Variants in CMSS1 observed in about 807,000 individuals in gnomAD.
CMSS1 encodes the protein cms1 ribosomal small subunit homolog.
CMSS1 carries 33 observed loss-of-function variants against 43.5 expected under a neutral mutation model. That is an observed-to-expected ratio of 0.76 (90% CI 0.57 to 1.01). The LOEUF (loss-of-function observed/expected upper bound fraction) is 1.01. Ranked by LOEUF, CMSS1 falls within the 50% of genes least tolerant of loss-of-function variation. The probability of loss-of-function intolerance (pLI) is 0.00; values close to 1 mark genes in which losing one functional copy is unlikely to be tolerated. For synonymous variants in CMSS1, 115 were observed against 117.2 expected, an observed-to-expected ratio of 0.98 and a Z score of 0.12; for missense variants, 313 against 326.4, an observed-to-expected ratio of 0.96 and a Z score of 0.32.
At chr3:100,001,322 T>G (rs1249212711) in intron 1 of CMSS1, among the ~76,000 whole-genome samples, 2 of 152,244 alleles carry the variant, frequency 1.3e-5, no homozygotes, top group East Asian at 3.8e-4. Context: ...TATCGCTGTT[T>G]CTGTGACGCA....
At chr3:100,171,129 C>A (rs551140426) in intron 6 of CMSS1, among the ~76,000 whole-genome samples, 25 of 152,254 alleles carry the variant, frequency 1.6e-4, no homozygotes, top group African/African-American at 5.8e-4. Context: ...TTTACAATAA[C>A]CCCCTGCCCT....
At chr3:100,022,474 A>G (rs1054801531) in intron 1 of CMSS1, among the ~76,000 whole-genome samples, 1 of 152,230 alleles carries the variant, frequency 6.6e-6, no homozygotes, top group African/African-American at 2.4e-5. Flanking sequence ...ATCCCATTAC[A>G]GAAACAGCAT....
At chr3:99,920,909 A>T (rs1707105136) in intron 1 of CMSS1, among the ~76,000 whole-genome samples, 1 of 152,234 alleles carries the variant, frequency 6.6e-6, no homozygotes, top group African/African-American at 2.4e-5. Flanking sequence ...AGGTAGATAC[A>T]AACCAACACT....
At chr3:100,093,948 A>G (rs1362200887) in intron 1 of CMSS1, among the ~76,000 whole-genome samples, 1 of 152,198 alleles carries the variant, frequency 6.6e-6, no homozygotes, top group Non-Finnish European at 1.5e-5. Flanking sequence ...TTGTGTGAAC[A>G]CAAGTTTTCA....
intron 1 of CMSS1, among the ~76,000 whole-genome samples, chr3:100,119,877 A>G (rs2066605564): frequency 6.6e-6 from 1 of 152,214 alleles, no homozygotes. Context: ...TAAAATTGAA[A>G]GTTCTGGATA....
At position 99,817,880 on chromosome 3, in the gene CMSS1, C is replaced by A. The variant is rs1487094412; in HGVS notation, c.-100C>A. 4 of 1,257,696 alleles carry A rather than the reference C, an allele frequency of 3.2e-6. No homozygotes were observed. Among genetic ancestry groups the A allele is most frequent in the Admixed American group, 1.8e-5 (1 of 54,804 alleles). The allele number at this position is 1,257,696 out of a possible 1,614,324, so 77.9% of individuals were successfully genotyped here. A position where few individuals can be genotyped will look rare whatever the true frequency, so the allele number is the denominator to read the frequency against. ...AGGCGACAGTGTCTAGCGGGAGCTCCGCGTGTAGCTACGCCGGCCGCCTGG... is the reference window on the plus strand; with the variant it reads ...AGGCGACAGTGTCTAGCGGGAGCTCAGCGTGTAGCTACGCCGGCCGCCTGG... On this transcript the variant is annotated 5_prime_UTR_variant, in exon 1 of 10. Coordinates refer to ENST00000421999, the MANE Select transcript of CMSS1 (RefSeq NM_032359.4).
At position 100,178,354 on chromosome 3, in the gene CMSS1, G is replaced by A; in HGVS notation, c.806G>A (p.Cys269Tyr). The change falls in exon 10 of 10, where the codon TGC becomes TAC. Residue 269 changes from cysteine (C) to tyrosine (Y), a missense_variant. Coordinates refer to ENST00000421999, the MANE Select transcript of CMSS1 (RefSeq NM_032359.4). Reference sequence around the variant, plus strand: ...CTGGAAATGGGAGTGCTCAGTCTGTGCAAGTCAGAATCCTTGAAACTGGGC... The same window carrying A: ...CTGGAAATGGGAGTGCTCAGTCTGTACAAGTCAGAATCCTTGAAACTGGGC... ...ELLEMGVLSL[C>Y]KSESLKLGLF 3.1e-6 allele frequency: 5 copies of A among 1,613,252 alleles called. No homozygotes were observed. The highest frequency in any genetic ancestry group is 4.2e-6 in the Non-Finnish European group (5 of 1,179,308).
At chr3:99,880,420 C>T (rs1559673910) in intron 1 of CMSS1, among the ~76,000 whole-genome samples, 1 of 152,036 alleles carries the variant, frequency 6.6e-6, no homozygotes, top group Non-Finnish European at 1.5e-5. Flanking sequence ...TATATATAGA[C>T]CCTCTTTACT....
chr3:99,941,434 C>T (rs1559697380), intron 1 of CMSS1, among the ~76,000 whole-genome samples: 1 of 152,144 alleles, frequency 6.6e-6, no homozygotes, highest in Admixed American at 6.5e-5. Context: ...TAAGCTTTAT[C>T]TTGGAGAATG....
At chr3:100,009,146 A>C (rs920015611) in intron 1 of CMSS1, among the ~76,000 whole-genome samples, 7 of 152,354 alleles carry the variant, frequency 4.6e-5, no homozygotes, top group African/African-American at 1.7e-4. Flanking sequence ...AATTGAGTGC[A>C]AGTGACTGAA....
At chr3:100,026,661 A>G (rs941826087) in intron 1 of CMSS1, among the ~76,000 whole-genome samples, 1 of 152,146 alleles carries the variant, frequency 6.6e-6, no homozygotes, top group Non-Finnish European at 1.5e-5. Flanking sequence ...CATCTAATTC[A>G]TCAGGAAATC....
At chr3:99,933,828 G>A (rs1707570113) in intron 1 of CMSS1, among the ~76,000 whole-genome samples, 1 of 152,114 alleles carries the variant, frequency 6.6e-6, no homozygotes, top group Non-Finnish European at 1.5e-5. Flanking sequence ...CATGCATTAG[G>A]GTGACTGGCT....
At chr3:99,920,619 A>T (rs549190442) in intron 1 of CMSS1, among the ~76,000 whole-genome samples, 1 of 152,344 alleles carries the variant, frequency 6.6e-6, no homozygotes, top group East Asian at 1.9e-4. Flanking sequence ...GAAACTTTGC[A>T]TTAACATGCC....
chr3:99,843,815 G>A (rs1359561634), intron 1 of CMSS1, among the ~76,000 whole-genome samples: 2 of 152,242 alleles, frequency 1.3e-5, no homozygotes, highest in African/African-American at 4.8e-5. Flanking sequence ...GCAGGCAAGC[G>A]AGCATTACTG....
intron 1 of CMSS1, chr3:99,849,706 T>C (rs1191948440): frequency 2.0e-5 from 33 of 1,613,630 alleles, no homozygotes; most frequent in Non-Finnish European, 2.5e-5. Flanking sequence ...TTCTAGAGTC[T>C]CATATTCATC....
chr3:99,998,217 T>C (rs1052036438), intron 1 of CMSS1, among the ~76,000 whole-genome samples: 2 of 152,224 alleles, frequency 1.3e-5, no homozygotes, highest in Non-Finnish European at 2.9e-5. Context: ...AACCTAATAC[T>C]TAGTTCTATA....
chr3:100,176,043 C>T (rs1394174436), intron 8 of CMSS1, among the ~76,000 whole-genome samples: 1 of 152,170 alleles, frequency 6.6e-6, no homozygotes, highest in Non-Finnish European at 1.5e-5. Context: ...GCCTCTGGGG[C>T]TTCATGAAAT....
rs1173827086 is a variant in CMSS1, at chr3:100,178,802, T to C, written c.*414T>C. The C allele has an allele frequency of 6.2e-6, 1 of 162,498 alleles. No homozygotes were observed. Among genetic ancestry groups the C allele is most frequent in the Non-Finnish European group, 1.4e-5 (1 of 73,928 alleles). 10.1% of individuals were successfully genotyped at this position (162,498 alleles called of 1,614,324 possible). A position where few individuals can be genotyped will look rare whatever the true frequency, so the allele number is the denominator to read the frequency against. ...AGATAGTACATGGGGAGCAGATTTGTAAACTCTGAGGCATGGTCCCAGCAA... is the reference window on the plus strand; with the variant it reads ...AGATAGTACATGGGGAGCAGATTTGCAAACTCTGAGGCATGGTCCCAGCAA... On this transcript the variant is annotated 3_prime_UTR_variant, in exon 10 of 10. Transcript: ENST00000421999.
In CMSS1 at chr3:99,817,902, C is replaced by T. The variant is rs1032006447; in HGVS notation, c.-78C>T. ...CTCCGCGTGTAGCTACGCCGGCCGC[C>T]TGGCTTTGAGACAACGTGATTCTCC... On this transcript the variant is annotated 5_prime_UTR_variant, in exon 1 of 10. Transcript: ENST00000421999. 2 of 1,509,390 alleles carry T rather than the reference C, an allele frequency of 1.3e-6. No individual in the cohort carries two copies. Among genetic ancestry groups the T allele is most frequent in the South Asian group, 1.1e-5 (1 of 87,784 alleles). The allele number at this position is 1,509,390 out of a possible 1,614,324, so 93.5% of individuals were successfully genotyped here. A position where few individuals can be genotyped will look rare whatever the true frequency, so the allele number is the denominator to read the frequency against.
Sources: gnomAD v4.1 joint callset for allele counts (sites outside exome capture counted in the v4.1 genomes callset) on GRCh38, gnomAD v4.1.1 for gene constraint, MANE v1.5 for transcripts, NCBI Gene and HGNC (gene_info 2026-07-23, HGNC 2026-07-21) for gene names.